The following NSMAF variants were observed in gnomAD, a reference collection of about 807,000 sequenced individuals.
NSMAF encodes neutral sphingomyelinase activation associated factor.
Under a neutral mutation model 134.9 loss-of-function variants are expected in NSMAF, and 90 were observed. That is an observed-to-expected ratio of 0.67 (90% confidence interval 0.56 to 0.79). NSMAF has a LOEUF of 0.79. NSMAF is among the 30% of genes least tolerant of loss of function. The probability of loss-of-function intolerance (pLI) is 0.00; values close to 1 mark genes in which losing one functional copy is unlikely to be tolerated. For synonymous variants in NSMAF, 358 were observed against 389.6 expected, an observed-to-expected ratio of 0.92 and a Z score of 0.96; for missense variants, 1,010 against 1,119.0, an observed-to-expected ratio of 0.90 and a Z score of 1.39.
chr8:58,648,649 C>T (rs1224137874), intron 1 of NSMAF, among the ~76,000 whole-genome samples: 1 of 152,226 alleles, frequency 6.6e-6, no homozygotes, highest in Non-Finnish European at 1.5e-5. Context: ...GACACTGCTT[C>T]CTGCAGACCC....
At chr8:58,650,686 C>T (rs938527842) in intron 1 of NSMAF, among the ~76,000 whole-genome samples, 6 of 152,214 alleles carry the variant, frequency 3.9e-5, no homozygotes, top group Non-Finnish European at 5.9e-5. Flanking sequence ...CCTCTCAACT[C>T]TCCTGAGCTC....
chr8:58,590,476 T>C (rs1402963710), intron 24 of NSMAF, among the ~76,000 whole-genome samples: 1 of 152,232 alleles, frequency 6.6e-6, no homozygotes, highest in Non-Finnish European at 1.5e-5. Flanking sequence ...CCAGATCTTT[T>C]GCATGATTTA....
intron 10 of NSMAF, among the ~76,000 whole-genome samples, chr8:58,608,584 TA>T (rs1300085273): frequency 6.6e-6 from 1 of 151,914 alleles, no homozygotes; most frequent in Non-Finnish European, 1.5e-5. Context: ...TGGGAAGGGG[TA>T]AAGGCCCATA....
rs756842514 is a variant in NSMAF at position 58,599,277 on chromosome 8, A to G, written c.1540T>C (p.Phe514Leu). The change falls in exon 19 of 31, where the codon TTT (phenylalanine) becomes CTT (leucine). Residue 514 changes from phenylalanine (F) to leucine (L), a missense_variant. Phe to Leu is a conservative substitution (Grantham distance 22). Transcript: ENST00000038176. ...TCACTCCCTTTTTGTTTGTAGCCAA[A>G]TATTAGATCAATCCACTCGTGAAGG... is the stretch of plus-strand genomic sequence containing the variant. ...EHLHEWIDLI[F>L]GYKQKGSDAV... The G allele has an allele frequency of 6.2e-7, 1 of 1,614,030 alleles. No homozygotes were observed. Among genetic ancestry groups the G allele is most frequent in the East Asian group, 2.2e-5 (1 of 44,862 alleles).
At chr8:58,651,872 C>G (rs930890452) in intron 1 of NSMAF, among the ~76,000 whole-genome samples, 1 of 152,186 alleles carries the variant, frequency 6.6e-6, no homozygotes, top group Non-Finnish European at 1.5e-5. Context: ...CTAACAAGCT[C>G]CAGGCACACA....
intron 6 of NSMAF, among the ~76,000 whole-genome samples, chr8:58,626,518 T>A (rs1007289614): frequency 1.3e-5 from 2 of 152,208 alleles, no homozygotes; most frequent in African/African-American, 4.8e-5. Flanking sequence ...TTTAGCTCCA[T>A]CCAAGTTGCT....
chr8:58,640,643 T>C (rs1807313716), intron 2 of NSMAF, among the ~76,000 whole-genome samples: 1 of 152,224 alleles, frequency 6.6e-6, no homozygotes, highest in African/African-American at 2.4e-5. Context: ...ATTATTATAT[T>C]GTAAAGTTGA....
chr8:58,656,569 G>A (rs1668401451), intron 1 of NSMAF, among the ~76,000 whole-genome samples: 1 of 152,092 alleles, frequency 6.6e-6, no homozygotes, highest in Non-Finnish European at 1.5e-5. Context: ...GCTCACGCCT[G>A]TAATCCCAGC....
At chr8:58,634,800 T>G (rs1277817221) in intron 5 of NSMAF, among the ~76,000 whole-genome samples, 1 of 152,198 alleles carries the variant, frequency 6.6e-6, no homozygotes, top group Non-Finnish European at 1.5e-5. Context: ...AGGGTCATAA[T>G]GATACAAGAC....
At chr8:58,626,091 C>CGTTTTTTTTTTTT in intron 6 of NSMAF, among the ~76,000 whole-genome samples, 1 of 99,370 alleles carries the variant, frequency 1.0e-5, no homozygotes. Flanking sequence ...TTATATAATT[C>CGTTTTTTTTTTTT]TTTTTTTTTT....
In NSMAF at chr8:58,589,547, G is replaced by A. The variant is rs146901191; in HGVS notation, c.2116C>T (p.Arg706Cys). The change falls in exon 26 of 31, where the codon CGC becomes TGC. Residue 706 changes from arginine to cysteine, a missense_variant. By Grantham distance (180) the Arg-to-Cys change is radical. Coordinates refer to ENST00000038176, the MANE Select transcript of NSMAF (RefSeq NM_003580.4). ...TCATGTCCCATTAACGTGTCCTGGCGTCTTCCAAATGCTATGGAATAAAAA... is the reference window on the plus strand; with the variant it reads ...TCATGTCCCATTAACGTGTCCTGGCATCTTCCAAATGCTATGGAATAAAAA... Reference protein sequence around the residue: ...VYFYSIAFGRRQDTLMGHDDA... With the variant: ...VYFYSIAFGRCQDTLMGHDDA... The A allele has an allele frequency of 1.0e-4, 158 of 1,569,740 alleles. No homozygotes were observed. In the East Asian group the frequency reaches 2.0e-3, roughly 20 times the overall value.
chr8:58,604,631 A>G (rs901314547), intron 12 of NSMAF, among the ~76,000 whole-genome samples: 4 of 151,602 alleles, frequency 2.6e-5, no homozygotes, highest in Non-Finnish European at 4.4e-5. Flanking sequence ...CTTGAAGTAA[A>G]ATTTCATTTC....
At chr8:58,599,016 C>G (rs1045937247) in intron 19 of NSMAF, among the ~76,000 whole-genome samples, 1 of 152,154 alleles carries the variant, frequency 6.6e-6, no homozygotes, top group South Asian at 2.1e-4. Flanking sequence ...CAGAGCAAGA[C>G]TCCATCTCAA....
intron 26 of NSMAF, among the ~76,000 whole-genome samples, chr8:58,589,036 T>C (rs1805960324): frequency 6.6e-6 from 1 of 151,114 alleles, no homozygotes; most frequent in African/African-American, 2.4e-5. Context: ...CTAAAAAAAA[T>C]AAGTAAATAA....
chr8:58,585,709 G>A lies in NSMAF; in HGVS notation c.2602C>T (p.Leu868=). 6.2e-7 allele frequency: 1 copy of A among 1,614,176 alleles called. No individual in the cohort carries two copies. The highest frequency in any genetic ancestry group is 8.5e-7 in the Non-Finnish European group (1 of 1,180,016). Residue 868 remains leucine, a synonymous_variant, in exon 30 of 31, where the codon CTG becomes TTG. Coordinates refer to ENST00000038176, the MANE Select transcript of NSMAF (RefSeq NM_003580.4). ...SVLSGSQSGE[L]LVWDLLGAKI... ...GCTCCAAGGAGGTCCCAAACGAGCA[G>A]TTCACCAGACTGACTGCCAGATAAA...
Position 58,601,445 on chromosome 8 carries a change from C to T in NSMAF, c.1216G>A (p.Ala406Thr), listed in dbSNP as rs1390242456. Residue 406 changes from alanine (A) to threonine (T), a missense_variant and splice_region_variant, in exon 15 of 31, where the codon GCA becomes ACA. Transcript: ENST00000038176. ...TGGGGGTAATGATAAAGAATCTTAC[C>T]AATCCTAACAAGATAAAAAAGTACA... ...GYVLFYLVRI[A>T]PEYMLCLQNG... The T allele has an allele frequency of 5.0e-6, 8 of 1,610,020 alleles. No individual in the cohort carries two copies. In the South Asian group the frequency reaches 6.6e-5, roughly 13 times the overall value.
At chr8:58,613,537 AG>A (rs1806581242) in intron 9 of NSMAF, among the ~76,000 whole-genome samples, 1 of 152,126 alleles carries the variant, frequency 6.6e-6, no homozygotes, top group Admixed American at 6.6e-5. Context: ...ACCGAAAAGA[AG>A]GGAGAAAAGG....
At chr8:58,624,376 C>A (rs1299724039) in intron 6 of NSMAF, among the ~76,000 whole-genome samples, 1 of 152,060 alleles carries the variant, frequency 6.6e-6, no homozygotes, top group Admixed American at 6.5e-5. Context: ...TGAGGTATTT[C>A]TTCTTTTTTA....
At chr8:58,625,592 A>G (rs1806912041) in intron 6 of NSMAF, among the ~76,000 whole-genome samples, 1 of 152,170 alleles carries the variant, frequency 6.6e-6, no homozygotes, top group Admixed American at 6.5e-5. Flanking sequence ...GTCTGATATA[A>G]GTATGGCTAG....
Sources: allele counts gnomAD v4.1 joint callset (sites outside exome capture counted in the v4.1 genomes callset), GRCh38; gene constraint gnomAD v4.1.1; transcripts MANE v1.5; gene names NCBI Gene and HGNC (gene_info 2026-07-23, HGNC 2026-07-21).